Variants in CDH13 observed in about 807,000 individuals in gnomAD.
CDH13 encodes the protein cadherin-13.
Under a neutral mutation model 63.8 loss-of-function variants are expected in CDH13, and 24 were observed. The ratio of observed to expected loss-of-function variants is 0.38; its 90% CI spans 0.27 to 0.53. CDH13 has a LOEUF of 0.53. CDH13 is among the 20% of genes least tolerant of loss of function. The pLI is 0.85. For missense variants in CDH13, 1,049 were observed against 903.1 expected (o/e 1.16, Z -2.07); for synonymous variants, 503 against 355.3 (o/e 1.42, Z -4.67).
intron 6 of CDH13, among the ~76,000 whole-genome samples, chr16:83,451,544 G>T (rs1051028185): frequency 1.7e-4 from 26 of 152,200 alleles, no homozygotes; most frequent in African/African-American, 6.0e-4. Context: ...TTTTGAGACA[G>T]GCTCTTCCGC....
At chr16:82,693,559 C>T (rs186744459) in intron 1 of CDH13, among the ~76,000 whole-genome samples, 2 of 152,304 alleles carry the variant, frequency 1.3e-5, no homozygotes, top group East Asian at 3.9e-4. Flanking sequence ...CCCCCATTTT[C>T]CTACATTAAA....
chr16:82,975,106 C>T (rs964587240), intron 2 of CDH13, among the ~76,000 whole-genome samples: 1 of 152,196 alleles, frequency 6.6e-6, no homozygotes, highest in African/African-American at 2.4e-5. Flanking sequence ...GGGTATAAAG[C>T]ATAAACAAGT....
At chr16:82,810,224 A>G (rs906090765) in intron 1 of CDH13, among the ~76,000 whole-genome samples, 1 of 152,250 alleles carries the variant, frequency 6.6e-6, no homozygotes, top group African/African-American at 2.4e-5. Context: ...GTTCAACAAA[A>G]GAATAACCTG....
chr16:83,558,897 A>C (rs1415613554), intron 7 of CDH13, among the ~76,000 whole-genome samples: 1 of 152,206 alleles, frequency 6.6e-6, no homozygotes, highest in African/African-American at 2.4e-5. Flanking sequence ...GGGTGTCCAC[A>C]GTCACATCGG....
rs1381683142 is a variant in CDH13 at position 82,979,873 on chromosome 16, C to A, written c.158-52137C>A. 2.0e-5 allele frequency among the ~76,000 whole-genome samples: 3 copies of A among 152,112 alleles called. No homozygotes were observed. In the East Asian group the frequency reaches 5.8e-4, roughly 29 times the overall value. ...GGCACAGTCATTAGAAAAAACTGGA[C>A]TTTGGAGACCATTTTAGGAAATCTT... On this transcript the variant is annotated intron_variant, in intron 2 of 13. Transcript: ENST00000567109.
intron 1 of CDH13, among the ~76,000 whole-genome samples, chr16:82,631,633 G>T (rs746331462): frequency 6.6e-6 from 1 of 152,148 alleles, no homozygotes; most frequent in Non-Finnish European, 1.5e-5. Flanking sequence ...CCCAGGCCTG[G>T]CTCCTCAGGT....
At chr16:82,899,366 A>G (rs2041379840) in intron 2 of CDH13, among the ~76,000 whole-genome samples, 3 of 152,246 alleles carry the variant, frequency 2.0e-5, no homozygotes, top group Admixed American at 1.3e-4. Context: ...TAACAATACA[A>G]TACATCAATG....
rs1171635670 is a variant in CDH13 at position 82,644,249 on chromosome 16, C to G, written c.45+17112C>G. 6.6e-6 allele frequency among the ~76,000 whole-genome samples: 1 copy of G among 152,124 alleles called. No homozygotes were observed. Among genetic ancestry groups the G allele is most frequent in the Non-Finnish European group, 1.5e-5 (1 of 68,022 alleles). On this transcript the variant is annotated intron_variant, in intron 1 of 13. Transcript: ENST00000567109. The surrounding 1 kb of genome is among the most constrained non-coding windows in gnomAD (Gnocchi z 5.7). Reference sequence around the variant, plus strand: ...TAGTAATGAGAAGTCAATCTAAGGTCTAAGGCTGGGAAAGGAGCTCCCACT... The same window carrying G: ...TAGTAATGAGAAGTCAATCTAAGGTGTAAGGCTGGGAAAGGAGCTCCCACT...
At position 83,069,376 on chromosome 16, in the gene CDH13, C is replaced by T. The variant is rs180783448; in HGVS notation, c.366+37158C>T. On this transcript the variant is annotated intron_variant, in intron 3 of 13. Transcript: ENST00000567109. ...TGTAAATATGATCACATAATTTTTGCAATACCGTTTTCTTTTCTAAGAATC... is the reference window on the plus strand; with the variant it reads ...TGTAAATATGATCACATAATTTTTGTAATACCGTTTTCTTTTCTAAGAATC... Among the ~76,000 whole-genome samples the T allele has an allele frequency of 2.6e-5, 4 of 152,220 alleles. 1 individual carries two copies. The highest frequency in any genetic ancestry group is 7.2e-5 in the African/African-American group (3 of 41,536).
At chr16:83,179,847 A>C (rs990566348) in intron 4 of CDH13, among the ~76,000 whole-genome samples, 2 of 152,168 alleles carry the variant, frequency 1.3e-5, no homozygotes, top group South Asian at 4.1e-4. Context: ...CTTAGCATCA[A>C]ACTAAAGTTA....
chr16:83,591,055 C>T (rs2150736277), intron 7 of CDH13, among the ~76,000 whole-genome samples: 1 of 152,134 alleles, frequency 6.6e-6, no homozygotes, highest in African/African-American at 2.4e-5. Flanking sequence ...GGATTACAGG[C>T]ACCTGCCACC....
At chr16:83,066,779 A>G (rs1391082353) in intron 3 of CDH13, among the ~76,000 whole-genome samples, 1 of 152,222 alleles carries the variant, frequency 6.6e-6, no homozygotes, top group African/African-American at 2.4e-5. Flanking sequence ...GGAATGCTCA[A>G]AGTCCACATG....
At chr16:83,155,884 AG>A (rs1481119960) in intron 4 of CDH13, among the ~76,000 whole-genome samples, 1 of 152,198 alleles carries the variant, frequency 6.6e-6, no homozygotes, top group Non-Finnish European at 1.5e-5. Flanking sequence ...AGCTTCCAAA[AG>A]CTTCAATGCC....
At chr16:82,852,939 G>T (rs1392357063) in intron 1 of CDH13, among the ~76,000 whole-genome samples, 2 of 152,014 alleles carry the variant, frequency 1.3e-5, no homozygotes, top group Non-Finnish European at 2.9e-5. Flanking sequence ...TCCAAAGTTG[G>T]GTATATTCTT....
intron 5 of CDH13, among the ~76,000 whole-genome samples, chr16:83,291,052 A>G (rs559889695): frequency 1.3e-5 from 2 of 152,274 alleles, no homozygotes; most frequent in South Asian, 4.1e-4. Flanking sequence ...ATCAAATGGT[A>G]TTTGACAGTA....
intron 1 of CDH13, among the ~76,000 whole-genome samples, chr16:82,771,288 A>G (rs1351685786): frequency 6.6e-6 from 1 of 152,206 alleles, no homozygotes; most frequent in African/African-American, 2.4e-5. Flanking sequence ...AAAATGTGTT[A>G]TATGTCAATT....
At chr16:83,173,337 T>C (rs2037999892) in intron 4 of CDH13, among the ~76,000 whole-genome samples, 1 of 152,120 alleles carries the variant, frequency 6.6e-6, no homozygotes, top group African/African-American at 2.4e-5. Flanking sequence ...TTAAAGAGAA[T>C]TGGAATATTT....
intron 3 of CDH13, among the ~76,000 whole-genome samples, chr16:83,035,848 A>G (rs1916799433): frequency 6.6e-6 from 1 of 152,200 alleles, no homozygotes; most frequent in Non-Finnish European, 1.5e-5. Flanking sequence ...GGATTCAATG[A>G]GACGATACAT....
At chr16:82,849,325 A>G (rs1265387389) in intron 1 of CDH13, among the ~76,000 whole-genome samples, 1 of 152,134 alleles carries the variant, frequency 6.6e-6, no homozygotes, top group African/African-American at 2.4e-5. Context: ...AACATGGTGA[A>G]GCCCTGTCTC....
Sources: allele counts gnomAD v4.1 joint callset (sites outside exome capture counted in the v4.1 genomes callset), GRCh38; gene constraint gnomAD v4.1.1; non-coding constraint Gnocchi (gnomAD v3.1); transcripts MANE v1.5; gene names NCBI Gene and HGNC (gene_info 2026-07-23, HGNC 2026-07-21).